The following CDH18 variants were observed in gnomAD, a reference collection of about 807,000 sequenced individuals.
The protein encoded by CDH18 is cadherin 18.
In CDH18, 31 loss-of-function variants were observed where a neutral mutation model predicts 67.9. That is an observed-to-expected ratio of 0.46 (90% CI 0.34 to 0.62). The LOEUF is 0.62. Ranked by LOEUF, CDH18 falls within the 20% of genes least tolerant of loss-of-function variation. The probability of loss-of-function intolerance (pLI) is 0.01; values close to 1 mark genes in which losing one functional copy is unlikely to be tolerated. For missense variants in CDH18, 890 were observed against 975.5 expected (o/e 0.91, Z 1.17); for synonymous variants, 362 against 347.2 (o/e 1.04, Z -0.48).
At chr5:20,172,242 A>ATG (rs1297964704) in intron 2 of CDH18, among the ~76,000 whole-genome samples, 1 of 56,700 alleles carries the variant, frequency 1.8e-5, no homozygotes, top group Non-Finnish European at 3.6e-5. Flanking sequence ...ATATATATGT[A>ATG]TATATATATA....
chr5:19,480,747 TTTTA>T (rs375970613), intron 12 of CDH18, among the ~76,000 whole-genome samples: 2,813 of 151,754 alleles, frequency 0.019, 82 homozygotes, highest in African/African-American at 0.064. Flanking sequence ...ATTTATTTGT[TTTTA>T]TTTATTTATT....
chr5:20,166,123 C>T (rs1736261073), intron 2 of CDH18, among the ~76,000 whole-genome samples: 1 of 152,000 alleles, frequency 6.6e-6, no homozygotes, highest in Non-Finnish European at 1.5e-5. Flanking sequence ...TACTCCTTTA[C>T]TTTAAACAAA....
chr5:19,789,492 C>T (rs893843826), intron 3 of CDH18, among the ~76,000 whole-genome samples: 5 of 151,936 alleles, frequency 3.3e-5, no homozygotes, highest in African/African-American at 1.2e-4. Flanking sequence ...CAAGTAGAAA[C>T]CAAAAGTCAA....
chr5:19,703,632 T>C (rs1763562281), intron 5 of CDH18, among the ~76,000 whole-genome samples: 1 of 152,050 alleles, frequency 6.6e-6, no homozygotes, highest in Non-Finnish European at 1.5e-5. Context: ...GTGACTGCTC[T>C]CAGTTCTATT....
intron 1 of CDH18, among the ~76,000 whole-genome samples, chr5:20,311,323 TCTA>T (rs1736970096): frequency 6.6e-6 from 1 of 152,066 alleles, no homozygotes; most frequent in Non-Finnish European, 1.5e-5. Context: ...TATAAATCAT[TCTA>T]CTATAAAGAC....
rs149577025 is a variant in CDH18 at position 20,320,909 on chromosome 5, C to A, written c.-579-65404G>T. Among the ~76,000 whole-genome samples, 1,113 of 152,114 alleles carry A rather than the reference C, an allele frequency of 7.3e-3. 11 individuals carry two copies. The highest frequency in any genetic ancestry group is 0.025 in the African/African-American group (1,050 of 41,504). On this transcript the variant is annotated intron_variant, in intron 1 of 14. Transcript: ENST00000507958. ...ATAGTATGTACAGGAGTCTTTTTGT[C>A]CCCTGGGAAACCTATTGTAGCTGTT...
intron 1 of CDH18, among the ~76,000 whole-genome samples, chr5:20,535,958 C>T (rs1179258956): frequency 6.6e-6 from 1 of 152,142 alleles, no homozygotes; most frequent in Non-Finnish European, 1.5e-5. Flanking sequence ...ACACTGCATC[C>T]GAGGAAATAT....
chr5:19,808,709 T>C (rs923082873), intron 3 of CDH18, among the ~76,000 whole-genome samples: 1 of 151,418 alleles, frequency 6.6e-6, no homozygotes, highest in Non-Finnish European at 1.5e-5. Flanking sequence ...CGCACACCTG[T>C]GATCCCAGCT....
At chr5:19,539,987 A>G (rs1312032765) in intron 9 of CDH18, among the ~76,000 whole-genome samples, 1 of 152,146 alleles carries the variant, frequency 6.6e-6, no homozygotes, top group Non-Finnish European at 1.5e-5. Flanking sequence ...AACTCATTTC[A>G]GCATTAACTC....
chr5:19,820,378 T>C (rs1281096421), intron 3 of CDH18, among the ~76,000 whole-genome samples: 1 of 152,134 alleles, frequency 6.6e-6, no homozygotes, highest in African/African-American at 2.4e-5. Context: ...GAGTGACAGC[T>C]GGGCAGTTCC....
At chr5:20,380,078 T>C (rs1242260587) in intron 1 of CDH18, among the ~76,000 whole-genome samples, 1 of 152,150 alleles carries the variant, frequency 6.6e-6, no homozygotes, top group Non-Finnish European at 1.5e-5. Flanking sequence ...GTGGATATCT[T>C]TGCAAAATGA....
At chr5:19,733,941 G>A (rs1811670) in intron 4 of CDH18, among the ~76,000 whole-genome samples, 136,102 of 152,126 alleles carry the variant, frequency 0.89, 62,639 homozygotes, top group East Asian at 1. Flanking sequence ...CCCCACACTT[G>A]CTTGCTTACA....
chr5:19,911,351 G>C (rs943428174), intron 2 of CDH18, among the ~76,000 whole-genome samples: 2 of 152,124 alleles, frequency 1.3e-5, no homozygotes, highest in Non-Finnish European at 2.9e-5. Flanking sequence ...GTTTAGAAGA[G>C]AGTGTTGATG....
Position 20,308,859 on chromosome 5 carries a change from C to A in CDH18, c.-579-53354G>T, listed in dbSNP as rs576281525. On this transcript the variant is annotated intron_variant, in intron 1 of 14. Coordinates refer to the CDH18 transcript ENST00000507958. Reference sequence around the variant, plus strand: ...GATATAGACAATTATGTGGCATTTTCTCTATCATCTGGCATTTTGTTGTAT... The same window carrying A: ...GATATAGACAATTATGTGGCATTTTATCTATCATCTGGCATTTTGTTGTAT... Among the ~76,000 whole-genome samples the A allele has an allele frequency of 5.6e-4, 86 of 152,254 alleles. 2 individuals carry two copies. The South Asian group carries it at 0.016, about 28-fold the overall frequency.
chr5:20,094,995 A>ATCCTTT (rs1745766016), intron 2 of CDH18, among the ~76,000 whole-genome samples: 1 of 152,056 alleles, frequency 6.6e-6, no homozygotes, highest in Admixed American at 6.6e-5. Flanking sequence ...ATGAGTTCAT[A>ATCCTTT]TCCTTTTCAG....
At chr5:19,821,322 A>G (rs1034470306) in intron 3 of CDH18, among the ~76,000 whole-genome samples, 6 of 152,106 alleles carry the variant, frequency 3.9e-5, no homozygotes, top group Non-Finnish European at 7.4e-5. Flanking sequence ...AGCCACAACA[A>G]TAGACTAGAC....
chr5:20,508,371 ATT>A lies in CDH18; in HGVS notation c.-580+67089_-580+67090del, dbSNP rs1491571328. On this transcript the variant is annotated intron_variant, in intron 1 of 14. Transcript: ENST00000507958. ...TATATATATATATATATATATGTAT[ATT>A]TATTTGGAAAACTTTTGCTGATAAG... is the stretch of plus-strand genomic sequence containing the variant. Among the ~76,000 whole-genome samples, 3 of 139,160 alleles carry A rather than the reference ATT, an allele frequency of 2.2e-5. No homozygotes were observed. In the South Asian group the frequency reaches 6.8e-4, roughly 32 times the overall value. 91.3% of individuals were successfully genotyped at this position (139,160 alleles called of 152,430 possible). A position where few individuals can be genotyped will look rare whatever the true frequency, so the allele number is the denominator to read the frequency against.
chr5:20,294,744 C>T (rs1025077461), intron 1 of CDH18, among the ~76,000 whole-genome samples: 9 of 152,132 alleles, frequency 5.9e-5, no homozygotes, highest in Non-Finnish European at 1.3e-4. Flanking sequence ...TTCTGTGTAG[C>T]ATGGTTTACA....
chr5:20,201,848 G>A (rs1222072080), intron 2 of CDH18, among the ~76,000 whole-genome samples: 1 of 152,098 alleles, frequency 6.6e-6, no homozygotes, highest in Non-Finnish European at 1.5e-5. Context: ...GAGTGTTTGG[G>A]GGACAATTAA....
Sources: allele counts gnomAD v4.1 joint callset (sites outside exome capture counted in the v4.1 genomes callset), GRCh38; gene constraint gnomAD v4.1.1; transcripts MANE v1.5; gene names NCBI Gene and HGNC (gene_info 2026-07-23, HGNC 2026-07-21).